The following COX7B2 variants were observed in gnomAD, a reference collection of about 807,000 sequenced individuals.
COX7B2 encodes cytochrome c oxidase subunit 7B2.
For missense variants in COX7B2, 109 were observed against 95.9 expected (o/e 1.14, Z -0.57); for synonymous variants, 37 against 32.1 (o/e 1.15, Z -0.51).
intron 2 of COX7B2, among the ~76,000 whole-genome samples, chr4:46,753,670 A>G (rs1460970297): frequency 1.3e-5 from 2 of 152,056 alleles, no homozygotes; most frequent in Non-Finnish European, 1.5e-5. Flanking sequence ...CTTCATGTCT[A>G]AAACACCAAA....
chr4:46,752,352 T>C (rs1363463656), intron 2 of COX7B2, among the ~76,000 whole-genome samples: 1 of 151,546 alleles, frequency 6.6e-6, no homozygotes, highest in East Asian at 2.0e-4. Context: ...TATACAATCA[T>C]GTCATCTGCA....
intron 1 of COX7B2, among the ~76,000 whole-genome samples, chr4:46,863,619 C>T (rs1717469970): frequency 6.6e-6 from 1 of 152,128 alleles, no homozygotes; most frequent in Non-Finnish European, 1.5e-5. Flanking sequence ...ATCTCATATT[C>T]AACTATTGTT....
chr4:46,880,993 T>TAA lies in COX7B2; in HGVS notation c.-105+28165_-105+28166dup, dbSNP rs1215385422. Reference sequence around the variant, plus strand: ...ATGTACCCTAAAACTTAGAGTATAATAAAAAAAAAAAAAAAAAACTCTTGG... The same window carrying TAA: ...ATGTACCCTAAAACTTAGAGTATAATAAAAAAAAAAAAAAAAAAAACTCTTGG... On this transcript the variant is annotated intron_variant, in intron 1 of 2. Transcript: ENST00000355591. Among the ~76,000 whole-genome samples the TAA allele has an allele frequency of 4.8e-3, 494 of 102,802 alleles. 9 individuals are homozygous for TAA. Among genetic ancestry groups the TAA allele is most frequent in the African/African-American group, 0.015 (434 of 28,016 alleles). 67.4% of individuals were successfully genotyped at this position (102,802 alleles called of 152,430 possible).
At chr4:46,777,367 G>A (rs1342629953) in intron 2 of COX7B2, among the ~76,000 whole-genome samples, 2 of 152,082 alleles carry the variant, frequency 1.3e-5, no homozygotes, top group Non-Finnish European at 2.9e-5. Context: ...ATAGGGGAAA[G>A]TGGAGTGCCA....
At chr4:46,800,202 T>C (rs1718580853) in intron 2 of COX7B2, among the ~76,000 whole-genome samples, 1 of 152,094 alleles carries the variant, frequency 6.6e-6, no homozygotes. Flanking sequence ...TCAAAGCAAT[T>C]TACAGATTCG....
intron 2 of COX7B2, among the ~76,000 whole-genome samples, chr4:46,784,989 G>A (rs190028734): frequency 6.6e-6 from 1 of 152,200 alleles, no homozygotes; most frequent in Admixed American, 6.5e-5. Context: ...ATCATAATAA[G>A]TTTAAGGCAC....
chr4:46,801,835 C>G (rs754971012), intron 2 of COX7B2, among the ~76,000 whole-genome samples: 1 of 152,142 alleles, frequency 6.6e-6, no homozygotes, highest in African/African-American at 2.4e-5. Context: ...TACATTATTA[C>G]ATTTCTTTGA....
intron 2 of COX7B2, among the ~76,000 whole-genome samples, chr4:46,786,087 T>C (rs983926956): frequency 1.3e-5 from 2 of 151,652 alleles, no homozygotes; most frequent in African/African-American, 4.9e-5. Context: ...ACACATTCTT[T>C]GATTAAAAAA....
At chr4:46,877,059 C>T (rs1448409377) in intron 1 of COX7B2, among the ~76,000 whole-genome samples, 1 of 152,070 alleles carries the variant, frequency 6.6e-6, no homozygotes, top group African/African-American at 2.4e-5. Context: ...CTCTCAAAAC[C>T]CAGTTTCAGT....
chr4:46,786,092 A>T (rs1414503854), intron 2 of COX7B2, among the ~76,000 whole-genome samples: 2 of 141,692 alleles, frequency 1.4e-5, no homozygotes, highest in Non-Finnish European at 3.0e-5. Flanking sequence ...TTCTTTGATT[A>T]AAAAAAAAAT....
chr4:46,793,596 T>G (rs1006677662), intron 2 of COX7B2, among the ~76,000 whole-genome samples: 1 of 152,190 alleles, frequency 6.6e-6, no homozygotes, highest in Non-Finnish European at 1.5e-5. Flanking sequence ...GCTCACGGAT[T>G]CAGATGTGCA....
intron 2 of COX7B2, among the ~76,000 whole-genome samples, chr4:46,788,983 T>C (rs937038660): frequency 6.6e-5 from 10 of 152,188 alleles, no homozygotes; most frequent in African/African-American, 2.4e-4. Context: ...TATCTGCTTG[T>C]TCCATTTTCT....
chr4:46,781,107 T>C (rs886800953), intron 2 of COX7B2, among the ~76,000 whole-genome samples: 2 of 152,178 alleles, frequency 1.3e-5, no homozygotes, highest in African/African-American at 4.8e-5. Flanking sequence ...TTTGATCATA[T>C]GTACCAACAT....
chr4:46,899,855 G>C (rs1322658555), intron 1 of COX7B2, among the ~76,000 whole-genome samples: 1 of 152,110 alleles, frequency 6.6e-6, no homozygotes, highest in Non-Finnish European at 1.5e-5. Context: ...TCCAGGTATA[G>C]TGTTAACAGG....
At chr4:46,801,880 T>C (rs1718677130) in intron 2 of COX7B2, among the ~76,000 whole-genome samples, 1 of 152,108 alleles carries the variant, frequency 6.6e-6, no homozygotes, top group Non-Finnish European at 1.5e-5. Context: ...TGAATTAAAA[T>C]GGTAATAGTG....
intron 2 of COX7B2, among the ~76,000 whole-genome samples, chr4:46,774,609 T>C (rs1042914223): frequency 2.0e-5 from 3 of 152,138 alleles, no homozygotes; most frequent in Non-Finnish European, 4.4e-5. Flanking sequence ...CTGATGGCTA[T>C]ACAGAATTTA....
intron 2 of COX7B2, among the ~76,000 whole-genome samples, chr4:46,813,048 A>G (rs1719367276): frequency 6.6e-6 from 1 of 152,124 alleles, no homozygotes; most frequent in East Asian, 1.9e-4. Context: ...AAAAGGCTCC[A>G]GGTCCCTCAG....
chr4:46,908,550 G>A (rs1228343910), intron 1 of COX7B2, among the ~76,000 whole-genome samples: 1 of 152,114 alleles, frequency 6.6e-6, no homozygotes, highest in African/African-American at 2.4e-5. Context: ...CTGCCAGAGT[G>A]CAACACTTCC....
In COX7B2 at chr4:46,742,529, T is replaced by A. The variant is rs564677646; in HGVS notation, c.-49-7288A>T. Reference sequence around the variant, plus strand: ...GGAACTCTGAAAGAAGCAATGCCGCTGGTAAAAATGCTGAACAATGGTTCT... The same window carrying A: ...GGAACTCTGAAAGAAGCAATGCCGCAGGTAAAAATGCTGAACAATGGTTCT... On this transcript the variant is annotated intron_variant, in intron 2 of 2. Transcript: ENST00000355591. 4.6e-5 allele frequency among the ~76,000 whole-genome samples: 7 copies of A among 152,252 alleles called. No homozygotes were observed. The South Asian group carries it at 1.4e-3, about 32-fold the overall frequency.
Sources: allele counts gnomAD v4.1 joint callset (sites outside exome capture counted in the v4.1 genomes callset), GRCh38; gene constraint gnomAD v4.1.1; transcripts MANE v1.5; gene names NCBI Gene and HGNC (gene_info 2026-07-23, HGNC 2026-07-21).